Variants in COL5A2 observed in about 807,000 individuals in gnomAD.
COL5A2 encodes the protein collagen type V alpha 2 chain.
COL5A2 carries 23 observed loss-of-function variants against 208.2 expected under a neutral mutation model. The observed-to-expected ratio is 0.11, with a 90% CI of 0.08 to 0.16. The LOEUF (loss-of-function observed/expected upper bound fraction) is 0.16. Ranked by LOEUF, COL5A2 falls within the 10% of genes least tolerant of loss-of-function variation. The pLI is 1.00. For synonymous variants in COL5A2, 625 were observed against 628.5 expected (o/e 0.99, Z 0.08); for missense variants, 1,590 against 1,956.4 (o/e 0.81, Z 3.53).
At chr2:189,323,871 C>A in the COL5A2 span, among the ~76,000 whole-genome samples, 1 of 152,300 alleles carries the variant, frequency 6.6e-6, no homozygotes, top group African/African-American at 2.4e-5. Flanking sequence ...CAAGTCAATA[C>A]TAAGCCAAAA....
intron 1 of COL5A2, among the ~76,000 whole-genome samples, chr2:189,185,541 T>C (rs573763753): frequency 2.6e-4 from 39 of 152,026 alleles, no homozygotes; most frequent in Non-Finnish European, 4.3e-4. Flanking sequence ...AGAAAAAAAA[T>C]GAGAAATTGA....
intron 1 of COL5A2, among the ~76,000 whole-genome samples, chr2:189,126,445 CT>C (rs1304149262): frequency 6.6e-6 from 1 of 151,664 alleles, no homozygotes; most frequent in African/African-American, 2.4e-5. Context: ...TTTTTTATTT[CT>C]TTTCATAGTG....
chr2:189,429,988 T>C, the COL5A2 span, among the ~76,000 whole-genome samples: 23 of 152,212 alleles, frequency 1.5e-4, no homozygotes, highest in African/African-American at 4.8e-4. Context: ...GCTTTATTAA[T>C]TTTTACTAAC....
At chr2:189,410,130 A>C in the COL5A2 span, among the ~76,000 whole-genome samples, 1 of 152,230 alleles carries the variant, frequency 6.6e-6, no homozygotes, top group African/African-American at 2.4e-5. Context: ...TGATACTAAA[A>C]GCTAGATAAA....
At chr2:189,361,891 C>A in the COL5A2 span, among the ~76,000 whole-genome samples, 1 of 152,016 alleles carries the variant, frequency 6.6e-6, no homozygotes, top group African/African-American at 2.4e-5. Context: ...CAAAAAAAAT[C>A]TCTGCACTTT....
intron 3 of COL5A2, among the ~76,000 whole-genome samples, chr2:189,103,184 T>C (rs900559792): frequency 6.6e-6 from 1 of 152,070 alleles, no homozygotes; most frequent in Admixed American, 6.6e-5. Context: ...TCAAGGCCTA[T>C]ACCAATCTGC....
chr2:189,068,787 G>T lies in COL5A2; in HGVS notation c.1256C>A (p.Pro419His). The stretch of plus-strand genomic sequence containing the variant: ...TTCTTAAATATGCTAGAAACTTACA[G>T]GAAGACCTGGAGAGCCAACTGGACC... Reference protein sequence around the residue: ...PPGPVGSPGLPGAIGTDGTPG... With the variant: ...PPGPVGSPGLHGAIGTDGTPG... Residue 419 changes from proline to histidine, a missense_variant and splice_region_variant, in exon 19 of 54, where the codon CCT (proline) becomes CAT (histidine). Coordinates refer to ENST00000374866, the MANE Select transcript of COL5A2 (RefSeq NM_000393.5). 2 of 1,609,724 alleles carry T rather than the reference G, an allele frequency of 1.2e-6. No individual in the cohort carries two copies. Among genetic ancestry groups the T allele is most frequent in the Non-Finnish European group, 1.7e-6 (2 of 1,176,448 alleles).
the COL5A2 span, among the ~76,000 whole-genome samples, chr2:189,361,605 A>G: frequency 6.6e-6 from 1 of 151,794 alleles, no homozygotes; most frequent in African/African-American, 2.4e-5. Flanking sequence ...ATCAATTTAC[A>G]TTCAAATTTA....
the COL5A2 span, among the ~76,000 whole-genome samples, chr2:189,331,326 T>G: frequency 6.6e-6 from 1 of 152,054 alleles, no homozygotes; most frequent in Non-Finnish European, 1.5e-5. Context: ...GTCAGGAGAT[T>G]GAGACCATCC....
intron 1 of COL5A2, among the ~76,000 whole-genome samples, chr2:189,212,392 C>G (rs1259681072): frequency 1.3e-5 from 2 of 152,026 alleles, no homozygotes; most frequent in African/African-American, 4.8e-5. Flanking sequence ...AATCACAGCA[C>G]TTTGGGAGGC....
intron 1 of COL5A2, among the ~76,000 whole-genome samples, chr2:189,134,901 G>A (rs1687797402): frequency 6.6e-6 from 1 of 152,098 alleles, no homozygotes; most frequent in Non-Finnish European, 1.5e-5. Context: ...AACAACATTA[G>A]CTTCTGCATG....
intron 11 of COL5A2, 124 bp from the exon 12 acceptor site, chr2:189,084,161 C>G: frequency 1.4e-6 from 1 of 699,028 alleles, no homozygotes; most frequent in Non-Finnish European, 2.5e-6. Context: ...GTACAATTCT[C>G]TAAACAGTGC....
In COL5A2 at chr2:189,140,323, A is replaced by G. The variant is rs904611108; in HGVS notation, c.98-29874T>C. Among the ~76,000 whole-genome samples, 4 of 152,324 alleles carry G rather than the reference A, an allele frequency of 2.6e-5. No individual in the cohort carries two copies. In the South Asian group the frequency reaches 6.2e-4, roughly 24 times the overall value. On this transcript the variant is annotated intron_variant, in intron 1 of 53. Coordinates refer to ENST00000374866, the MANE Select transcript of COL5A2 (RefSeq NM_000393.5). ...CAGAAAAAACATGCCCAGGGCCTCA[A>G]TGAAGAACACAGCCCTCTGATTCTA...
chr2:189,181,006 G>A (rs528707948), upstream of COL5A2, among the ~76,000 whole-genome samples: 1 of 152,228 alleles, frequency 6.6e-6, no homozygotes, highest in Non-Finnish European at 1.5e-5. Context: ...TGACATAAAA[G>A]AAATAAAAGA....
chr2:189,145,857 A>T (rs1688029045), intron 1 of COL5A2, among the ~76,000 whole-genome samples: 1 of 152,144 alleles, frequency 6.6e-6, no homozygotes. Context: ...CTTCTTTAGA[A>T]CCAAAAATCT....
chr2:189,293,626 G>C, the COL5A2 span, among the ~76,000 whole-genome samples: 2 of 152,116 alleles, frequency 1.3e-5, no homozygotes, highest in Non-Finnish European at 2.9e-5. Flanking sequence ...TTTTATAAAA[G>C]AGACCCCAGA....
the COL5A2 span, among the ~76,000 whole-genome samples, chr2:189,296,967 C>T: frequency 6.6e-6 from 1 of 152,164 alleles, no homozygotes; most frequent in Non-Finnish European, 1.5e-5. Flanking sequence ...TGGGAGCCCC[C>T]ATCCTCTGCC....
At chr2:189,202,984 T>C (rs1485105660) in intron 1 of COL5A2, among the ~76,000 whole-genome samples, 1 of 152,128 alleles carries the variant, frequency 6.6e-6, no homozygotes, top group Non-Finnish European at 1.5e-5. Context: ...TTTCCTATGG[T>C]AGAATGGAAA....
At chr2:189,223,683 G>A (rs899045890) in intron 1 of COL5A2, among the ~76,000 whole-genome samples, 3 of 152,150 alleles carry the variant, frequency 2.0e-5, no homozygotes, top group African/African-American at 4.8e-5. Flanking sequence ...CAAACATGAT[G>A]AGCAAAAGGA....
Sources: allele counts gnomAD v4.1 joint callset (sites outside exome capture counted in the v4.1 genomes callset), GRCh38; gene constraint gnomAD v4.1.1; transcripts MANE v1.5; gene names NCBI Gene and HGNC (gene_info 2026-07-23, HGNC 2026-07-21).